PDGFB: variants seen among roughly 807,000 people sequenced by gnomAD.
The protein encoded by PDGFB is platelet derived growth factor subunit B.
A neutral mutation model predicts 29.0 loss-of-function variants in PDGFB; 6 were observed. The ratio of observed to expected loss-of-function variants is 0.21; its 90% confidence interval spans 0.11 to 0.41. PDGFB has a LOEUF of 0.41. PDGFB is among the 10% of genes least tolerant of loss of function. The pLI, the probability that PDGFB is intolerant of heterozygous loss-of-function variation, is 1.00. For missense variants in PDGFB, 299 were observed against 341.8 expected, an observed-to-expected ratio of 0.87 and a Z score of 0.99; for synonymous variants, 144 against 140.8, an observed-to-expected ratio of 1.02 and a Z score of -0.16.
chr22:39,230,290 C>T (rs1478131683), intron 4 of PDGFB, 62 bp from the exon 5 acceptor site: 21 of 1,577,142 alleles, frequency 1.3e-5, no homozygotes, highest in Admixed American at 1.0e-4. Flanking sequence ...CCGGGAAGCC[C>T]GAATGGCTTG....
intron 5 of PDGFB, 94 bp from the exon 6 acceptor site, chr22:39,225,941 GGAAAGGGACA>G: frequency 1.4e-6 from 2 of 1,429,894 alleles, no homozygotes; most frequent in African/African-American, 2.8e-5. Flanking sequence ...TCTGGGCTCA[GGAAAGGGACA>G]GGAGGGGAAT....
chr22:39,228,840 G>A (rs1932227481), intron 5 of PDGFB, among the ~76,000 whole-genome samples: 1 of 149,180 alleles, frequency 6.7e-6, no homozygotes, highest in Admixed American at 6.8e-5. Flanking sequence ...AGTGAGCCAA[G>A]ATTGTGCCAC....
Position 39,243,052 on chromosome 22 carries a change from C to A in PDGFB, c.63+849G>T, listed in dbSNP as rs566842805. On this transcript the variant is annotated intron_variant, in intron 1 of 6. Transcript: ENST00000331163. This position sits in a 1 kb window ranked among gnomAD's most constrained non-coding sequence, Gnocchi z 6.4. Reference sequence around the variant, plus strand: ...TCCCGTGCAGCTAGGCTTTTGCAGGCGGCGCGCTCCGCACCCTGCATGCGG... The same window carrying A: ...TCCCGTGCAGCTAGGCTTTTGCAGGAGGCGCGCTCCGCACCCTGCATGCGG... The A allele has an allele frequency of 4.3e-6, 1 of 233,132 alleles. No homozygotes were observed. The highest frequency in any genetic ancestry group is 1.8e-4 in the South Asian group (1 of 5,530). The allele number at this position is 233,132 out of a possible 1,614,324, so 14.4% of individuals were successfully genotyped here. A position where few individuals can be genotyped will look rare whatever the true frequency, so the allele number is the denominator to read the frequency against.
rs1932643340 is a variant in PDGFB at position 39,244,352 on chromosome 22, T to C, written c.-389A>G. 2 of 197,514 alleles carry C rather than the reference T, an allele frequency of 1.0e-5. No individual in the cohort carries two copies. Among genetic ancestry groups the C allele is most frequent in the Non-Finnish European group, 2.1e-5 (2 of 95,194 alleles). 12.2% of individuals were successfully genotyped at this position (197,514 alleles called of 1,614,324 possible). ...ACGGCAGTCGATGGTTCGTCTTCAC[T>C]CGCCGGCTACAGGCGTTTTCCTCTG... On this transcript the variant is annotated 5_prime_UTR_variant, in exon 1 of 7. Coordinates refer to ENST00000331163, the MANE Select transcript of PDGFB (RefSeq NM_002608.4). This position sits in a 1 kb window ranked among gnomAD's most constrained non-coding sequence, Gnocchi z 4.5.
Position 39,225,844 on chromosome 22 carries a change from T to G in PDGFB, c.605A>C (p.Lys202Thr). The G allele has an allele frequency of 6.2e-7, 1 of 1,610,920 alleles. No homozygotes were observed. The highest frequency in any genetic ancestry group is 8.5e-7 in the Non-Finnish European group (1 of 1,177,576). ...SPGGSQEQRA[K>T]TPQTRVTIRT... ...AATGGTCACCCGAGTTTGGGGCGTT[T>G]TGGCTGCACAAGAAAAAGAAAGACC... is the stretch of plus-strand genomic sequence containing the variant. Residue 202 changes from lysine (K) to threonine (T), a missense_variant, in exon 6 of 7, where the codon AAA becomes ACA. Coordinates refer to ENST00000331163, the MANE Select transcript of PDGFB (RefSeq NM_002608.4).
rs764959514 is a variant in PDGFB, at chr22:39,231,570, GGT to G, written c.456+50_456+51del. The G allele has an allele frequency of 4.5e-3, 6,088 of 1,354,538 alleles. 18 individuals are homozygous for G. The highest frequency in any genetic ancestry group is 5.5e-3 in the Non-Finnish European group (5,434 of 995,808). 83.9% of individuals were successfully genotyped at this position (1,354,538 alleles called of 1,614,324 possible). A position where few individuals can be genotyped will look rare whatever the true frequency, so the allele number is the denominator to read the frequency against. ...GGTCAGGTATGAGCCCCAGAAGGGT[GGT>G]CTCCACCCACCACCGGGACCAGCCT... is the stretch of plus-strand genomic sequence containing the variant. On this transcript the variant is annotated intron_variant, in intron 4 of 6. Transcript: ENST00000331163. This position sits in a 1 kb window ranked among gnomAD's most constrained non-coding sequence, Gnocchi z 4.3.
intron 1 of PDGFB, among the ~76,000 whole-genome samples, chr22:39,241,807 G>A (rs1485426127): frequency 6.6e-6 from 1 of 152,114 alleles, no homozygotes; most frequent in Non-Finnish European, 1.5e-5. Flanking sequence ...ACAGCTCAGT[G>A]CCCCTCAGAG....
chr22:39,242,447 C>G lies in PDGFB; in HGVS notation c.63+1454G>C, dbSNP rs1361786377. Among the ~76,000 whole-genome samples the G allele has an allele frequency of 6.6e-6, 1 of 150,676 alleles. No individual in the cohort carries two copies. Among genetic ancestry groups the G allele is most frequent in the African/African-American group, 2.4e-5 (1 of 41,274 alleles). ...CTGGGGCCGGCCGGCCACCCCCTCC[C>G]CAACAGCTGGCCGCGGCCCGGGGGG... On this transcript the variant is annotated intron_variant, in intron 1 of 6. Transcript: ENST00000331163. The surrounding 1 kb of genome is among the most constrained non-coding windows in gnomAD (Gnocchi z 5.7).
chr22:39,232,945 G>T (rs967967423), intron 3 of PDGFB, among the ~76,000 whole-genome samples: 1 of 152,202 alleles, frequency 6.6e-6, no homozygotes, highest in Non-Finnish European at 1.5e-5. Flanking sequence ...TTAGGTCTCT[G>T]CAAGGGAGCA....
rs952827978 is a variant in PDGFB at position 39,229,974 on chromosome 22, T to A, written c.601+110A>T. ...AGCAAGATGAAAAGAAAGCCTCCCG[T>A]GAATTTAACCGGGGGCGGGCCTGAT... On this transcript the variant is annotated intron_variant, in intron 5 of 6. Coordinates refer to ENST00000331163, the MANE Select transcript of PDGFB (RefSeq NM_002608.4). 5.5e-6 allele frequency: 7 copies of A among 1,268,586 alleles called. No homozygotes were observed. The African/African-American group carries it at 9.0e-5, about 16-fold the overall frequency. The allele number at this position is 1,268,586 out of a possible 1,614,324, so 78.6% of individuals were successfully genotyped here. A position where few individuals can be genotyped will look rare whatever the true frequency, so the allele number is the denominator to read the frequency against.
chr22:39,231,839 C>A lies in PDGFB; in HGVS notation c.251-12G>T, dbSNP rs374390669. ...AATGGTCAGGGAACCTGGGAGGAGA[C>A]GAAACCTGGGTCAGGAGCGTAGGCC... On this transcript the variant is annotated splice_polypyrimidine_tract_variant and intron_variant, in intron 3 of 6. Transcript: ENST00000331163. This position sits in a 1 kb window ranked among gnomAD's most constrained non-coding sequence, Gnocchi z 4.3. 6.2e-7 allele frequency: 1 copy of A among 1,610,006 alleles called. No homozygotes were observed. Among genetic ancestry groups the A allele is most frequent in the Non-Finnish European group, 8.5e-7 (1 of 1,179,066 alleles).
Position 39,235,822 on chromosome 22 carries a change from C to T in PDGFB, c.116G>A (p.Arg39His), listed in dbSNP as rs1028545582. ...LYEMLSDHSI[R>H]SFDDLQRLLH... ...CAGGCGTTGGAGATCATCAAAGGAG[C>T]GGATCGAGTGGTCACTCAGCATCTC... Residue 39 changes from arginine to histidine, a missense_variant, in exon 2 of 7, where the codon CGC becomes CAC. Transcript: ENST00000331163. 1.9e-5 allele frequency: 31 copies of T among 1,613,840 alleles called. No individual in the cohort carries two copies. The highest frequency in any genetic ancestry group is 4.0e-5 in the African/African-American group (3 of 74,938).
intron 2 of PDGFB, among the ~76,000 whole-genome samples, chr22:39,234,327 A>G (rs1932388217): frequency 2.6e-5 from 4 of 152,152 alleles, no homozygotes; most frequent in Non-Finnish European, 5.9e-5. Flanking sequence ...TCCTTTCCAG[A>G]GCCCATGGCC....
intron 5 of PDGFB, among the ~76,000 whole-genome samples, chr22:39,229,359 GTAT>G (rs1234039240): frequency 1.3e-5 from 2 of 152,036 alleles, no homozygotes; most frequent in African/African-American, 2.4e-5. Context: ...GCTAATTTTT[GTAT>G]TTTTTGTAGA....
At chr22:39,226,166 G>A (rs1932160766) in intron 5 of PDGFB, among the ~76,000 whole-genome samples, 1 of 152,108 alleles carries the variant, frequency 6.6e-6, no homozygotes, top group African/African-American at 2.4e-5. Context: ...CACAGAGCCG[G>A]GTAGATTAAA....
intron 2 of PDGFB, among the ~76,000 whole-genome samples, chr22:39,234,463 C>T (rs963941328): frequency 5.3e-5 from 8 of 152,188 alleles, no homozygotes; most frequent in Non-Finnish European, 1.2e-4. Context: ...ATTGGGAACA[C>T]GCTCCTGCCA....
Position 39,231,854 on chromosome 22 carries a change from G to A in PDGFB, c.251-27C>T. 3.1e-6 allele frequency: 5 copies of A among 1,599,058 alleles called. No homozygotes were observed. Among genetic ancestry groups the A allele is most frequent in the Non-Finnish European group, 4.3e-6 (5 of 1,173,342 alleles). ...TGGGAGGAGACGAAACCTGGGTCAGGAGCGTAGGCCTGTCCAGAGTCCCCC... is the reference window on the plus strand; with the variant it reads ...TGGGAGGAGACGAAACCTGGGTCAGAAGCGTAGGCCTGTCCAGAGTCCCCC... On this transcript the variant is annotated intron_variant, in intron 3 of 6. Transcript: ENST00000331163. The surrounding 1 kb of genome is among the most constrained non-coding windows in gnomAD (Gnocchi z 4.3).
intron 5 of PDGFB, among the ~76,000 whole-genome samples, chr22:39,229,388 T>C (rs900534828): frequency 6.6e-6 from 1 of 152,188 alleles, no homozygotes; most frequent in Non-Finnish European, 1.5e-5. Flanking sequence ...CTCACAATGC[T>C]GCCAATTCCA....
chr22:39,225,729 T>C lies in PDGFB; in HGVS notation c.720A>G (p.Gly240=). 1 of 1,613,862 alleles carries C rather than the reference T, an allele frequency of 6.2e-7. No homozygotes were observed. The highest frequency in any genetic ancestry group is 1.1e-5 in the South Asian group (1 of 91,068). ...HDKTALKETL[G]A ...CACTCTCCTGCCGATGCCCCTAGGC[T>C]CCAAGGGTCTCCTTCAGTGCCGTCT... Residue 240 remains glycine, a synonymous_variant, in exon 6 of 7, where the codon GGA becomes GGG. Transcript: ENST00000331163.
Sources: gnomAD v4.1 joint callset for allele counts (sites outside exome capture counted in the v4.1 genomes callset) on GRCh38, gnomAD v4.1.1 for gene constraint, Gnocchi (gnomAD v3.1) non-coding constraint, MANE v1.5 for transcripts, NCBI Gene and HGNC (gene_info 2026-07-23, HGNC 2026-07-21) for gene names.